AKAP10: variants seen among roughly 807,000 people sequenced by gnomAD.
AKAP10 encodes A-kinase anchor protein 10, mitochondrial.
AKAP10 carries 24 observed loss-of-function variants against 80.8 expected under a neutral mutation model. That is an observed-to-expected ratio of 0.30 (90% confidence interval 0.22 to 0.42). The LOEUF (loss-of-function observed/expected upper bound fraction) is 0.42, where lower values mean the gene tolerates loss of function less well. AKAP10 is among the 10% of genes least tolerant of loss of function. The pLI is 1.00. For missense variants in AKAP10, 661 were observed against 794.9 expected, an observed-to-expected ratio of 0.83 and a Z score of 2.03; for synonymous variants, 291 against 277.7, an observed-to-expected ratio of 1.05 and a Z score of -0.48.
intron 12 of AKAP10, among the ~76,000 whole-genome samples, chr17:19,919,292 A>C (rs956370499): frequency 6.6e-6 from 1 of 152,134 alleles, no homozygotes; most frequent in Non-Finnish European, 1.5e-5. Context: ...TCCATGGTGT[A>C]TATGTGCCAC....
Position 19,936,193 on chromosome 17 carries a change from C to T in AKAP10, c.1467+93G>A, listed in dbSNP as rs2042990224. On this transcript the variant is annotated intron_variant, in intron 9 of 14. Coordinates refer to ENST00000225737, the MANE Select transcript of AKAP10 (RefSeq NM_007202.4). ...CTTTGCTGGACTGCTTCAATTTCCA[C>T]TGTGCTATTCTGCTTGGTTTTCCCA... is the stretch of plus-strand genomic sequence containing the variant. 4 of 1,384,398 alleles carry T rather than the reference C, an allele frequency of 2.9e-6. No homozygotes were observed. In the African/African-American group the frequency reaches 4.3e-5, roughly 15 times the overall value. The allele number at this position is 1,384,398 out of a possible 1,614,324, so 85.8% of individuals were successfully genotyped here.
chr17:19,954,974 C>T (rs1283446053), intron 4 of AKAP10, among the ~76,000 whole-genome samples: 1 of 151,746 alleles, frequency 6.6e-6, no homozygotes, highest in African/African-American at 2.4e-5. Context: ...AATCCCAGCA[C>T]TTTGGGAGGC....
intron 4 of AKAP10, among the ~76,000 whole-genome samples, chr17:19,954,487 C>CTTTTTT (rs34866336): frequency 7.1e-6 from 1 of 140,416 alleles, no homozygotes. Context: ...AACCATAATA[C>CTTTTTT]TTTTTTTTTT....
intron 4 of AKAP10, among the ~76,000 whole-genome samples, chr17:19,950,801 G>A (rs112028881): frequency 2.3e-4 from 35 of 149,526 alleles, no homozygotes; most frequent in Admixed American, 5.3e-4. Flanking sequence ...CCCTCTGACC[G>A]GCCGCCCCGT....
chr17:19,971,221 G>C (rs575882530), intron 1 of AKAP10, among the ~76,000 whole-genome samples: 1 of 151,538 alleles, frequency 6.6e-6, no homozygotes, highest in East Asian at 1.9e-4. Flanking sequence ...TAAAAATCAC[G>C]CAAATGGCTG....
At chr17:19,964,725 AC>A (rs1470158743) in intron 2 of AKAP10, among the ~76,000 whole-genome samples, 2 of 152,058 alleles carry the variant, frequency 1.3e-5, no homozygotes, top group African/African-American at 4.8e-5. Flanking sequence ...CCCCATCTCT[AC>A]TAAAAATACA....
At chr17:19,974,427 T>A (rs1302263276) in intron 1 of AKAP10, among the ~76,000 whole-genome samples, 1 of 152,164 alleles carries the variant, frequency 6.6e-6, no homozygotes, top group African/African-American at 2.4e-5. Flanking sequence ...CTGCTATTGT[T>A]AGCGTTAGTG....
At chr17:19,952,309 C>T (rs2043224608) in intron 4 of AKAP10, among the ~76,000 whole-genome samples, 1 of 151,496 alleles carries the variant, frequency 6.6e-6, no homozygotes, top group African/African-American at 2.4e-5. Context: ...ACTAAAAATA[C>T]AAAAAATCAG....
At chr17:19,931,390 CTCT>C (rs2042930888) in intron 10 of AKAP10, among the ~76,000 whole-genome samples, 1 of 148,918 alleles carries the variant, frequency 6.7e-6, no homozygotes, top group African/African-American at 2.5e-5. Context: ...TTTTATTTCT[CTCT>C]TTTTTTTTTT....
chr17:19,954,164 C>A (rs1383897189), intron 4 of AKAP10, among the ~76,000 whole-genome samples: 1 of 152,156 alleles, frequency 6.6e-6, no homozygotes, highest in Non-Finnish European at 1.5e-5. Flanking sequence ...ATAAAAACTT[C>A]CCAATTCGTT....
intron 12 of AKAP10, among the ~76,000 whole-genome samples, chr17:19,914,079 C>T (rs529750652): frequency 8.3e-4 from 127 of 152,290 alleles, no homozygotes; most frequent in African/African-American, 2.7e-3. Context: ...GGCTCACCGT[C>T]GCCTCAACCT....
In AKAP10 at chr17:19,932,129, T is replaced by C. The variant is rs1597500225; in HGVS notation, c.1468-151A>G. ...ACTTCTTGTTGTACTACAAGTATTA[T>C]CCCTTTGTACAGTTTACAAATTAAA... On this transcript the variant is annotated intron_variant, in intron 9 of 14. Coordinates refer to ENST00000225737, the MANE Select transcript of AKAP10 (RefSeq NM_007202.4). 6 of 783,992 alleles carry C rather than the reference T, an allele frequency of 7.7e-6. No homozygotes were observed. In the East Asian group the frequency reaches 1.4e-4, roughly 18 times the overall value. 48.6% of individuals were successfully genotyped at this position (783,992 alleles called of 1,614,324 possible).
chr17:19,928,845 G>A (rs1567757079), intron 10 of AKAP10, among the ~76,000 whole-genome samples: 1 of 152,142 alleles, frequency 6.6e-6, no homozygotes, highest in African/African-American at 2.4e-5. Flanking sequence ...ACTCCAGCCT[G>A]GGCGACAGAG....
intron 1 of AKAP10, among the ~76,000 whole-genome samples, chr17:19,969,220 C>T (rs562956318): frequency 1.3e-5 from 2 of 152,226 alleles, no homozygotes; most frequent in African/African-American, 2.4e-5. Context: ...GTGGCGGACA[C>T]CTGTAAGCCC....
At chr17:19,927,364 C>G (rs1207985321) in intron 10 of AKAP10, among the ~76,000 whole-genome samples, 2 of 151,640 alleles carry the variant, frequency 1.3e-5, no homozygotes, top group Non-Finnish European at 2.9e-5. Context: ...AAACAAAAAC[C>G]CACCTTTTTT....
chr17:19,947,593 A>C, intron 4 of AKAP10, 88 bp from the exon 5 acceptor site: 3 of 889,718 alleles, frequency 3.4e-6, no homozygotes, highest in Non-Finnish European at 5.5e-6. Flanking sequence ...GGCTTAGATC[A>C]CTGTGAGTTC....
In AKAP10 at chr17:19,958,375, G is replaced by A; in HGVS notation, c.516C>T (p.His172=). Residue 172 remains histidine (H), a synonymous_variant, in exon 4 of 15, where the codon CAC becomes CAT. Transcript: ENST00000225737. Reference sequence around the variant, plus strand: ...AGCTCTGCTTCACTGTGTTTAGACTGTGTGCTCTTATTCGCGACCAAGTTG... The same window carrying A: ...AGCTCTGCTTCACTGTGTTTAGACTATGTGCTCTTATTCGCGACCAAGTTG... ...HSTTWSRIRA[H]SLNTVKQSSL... is the part of the protein sequence containing the mutation. 1.2e-6 allele frequency: 2 copies of A among 1,614,248 alleles called. No individual in the cohort carries two copies. Among genetic ancestry groups the A allele is most frequent in the East Asian group, 2.2e-5 (1 of 44,890 alleles).
At chr17:19,920,675 T>G (rs1348882275) in intron 11 of AKAP10, among the ~76,000 whole-genome samples, 1 of 151,836 alleles carries the variant, frequency 6.6e-6, no homozygotes, top group Non-Finnish European at 1.5e-5. Flanking sequence ...AAACCCTGTC[T>G]CTACTAAAAA....
chr17:19,931,867 G>A lies in AKAP10; in HGVS notation c.1579C>T (p.Pro527Ser). 2 of 1,614,118 alleles carry A rather than the reference G, an allele frequency of 1.2e-6. No homozygotes were observed. Among genetic ancestry groups the A allele is most frequent in the South Asian group, 1.1e-5 (1 of 91,084 alleles). Reference sequence around the variant, plus strand: ...TCATCAGGAGGGCCAACAGAGCCAGGAGCAGTCAGCGACACGTTCCCGCCC... The same window carrying A: ...TCATCAGGAGGGCCAACAGAGCCAGAAGCAGTCAGCGACACGTTCCCGCCC... ...FLGGNVSLTA[P>S]GSVGPPDESH... The change falls in exon 10 of 15, where the codon CCT (proline) becomes TCT (serine). Residue 527 changes from proline to serine, a missense_variant. Physicochemically the swap from Pro to Ser is moderately conservative, Grantham distance 74. Transcript: ENST00000225737.
Sources: allele counts gnomAD v4.1 joint callset (sites outside exome capture counted in the v4.1 genomes callset), GRCh38; gene constraint gnomAD v4.1.1; transcripts MANE v1.5; gene names NCBI Gene and HGNC (gene_info 2026-07-23, HGNC 2026-07-21).